The following HYDIN variants were observed in gnomAD, a reference collection of about 807,000 sequenced individuals.
The protein encoded by HYDIN is axonemal central pair apparatus protein HYDIN.
HYDIN carries 132 observed loss-of-function variants against 403.9 expected under a neutral mutation model. The ratio of observed to expected loss-of-function variants is 0.33; its 90% CI spans 0.28 to 0.38. The LOEUF is 0.38. Among genes scored for constraint, HYDIN ranks in the 10% least tolerant of loss-of-function variants. The pLI is 1.00. For synonymous variants in HYDIN, 1,202 were observed against 1,891.7 expected (o/e 0.64, Z 9.46); for missense variants, 2,827 against 5,009.5 (o/e 0.56, Z 13.15).
At chr16:70,810,030 C>T (rs1429062302) in intron 84 of HYDIN, 23 bp from the exon 85 acceptor site, 22 of 1,609,076 alleles carry the variant, frequency 1.4e-5, no homozygotes, top group Non-Finnish European at 1.8e-5. Context: ...ACAGAGGATC[C>T]TGTCATGCTG....
At chr16:71,221,308 G>T (rs1021720932) in intron 1 of HYDIN, among the ~76,000 whole-genome samples, 1 of 151,236 alleles carries the variant, frequency 6.6e-6, no homozygotes, top group Non-Finnish European at 1.5e-5. Flanking sequence ...CTCTCTTAGA[G>T]ATGTACAGCC....
intron 28 of HYDIN, among the ~76,000 whole-genome samples, chr16:70,983,029 G>C (rs56712111): frequency 0.014 from 1,422 of 99,694 alleles, 12 homozygotes; most frequent in Middle Eastern, 0.054. Context: ...GGAAAACATA[G>C]CAATTATGAT....
chr16:70,957,534 C>T (rs2078282827), intron 39 of HYDIN, among the ~76,000 whole-genome samples: 1 of 152,080 alleles, frequency 6.6e-6, no homozygotes, highest in South Asian at 2.1e-4. Flanking sequence ...ACCATGTTGG[C>T]CGGGCTGGTC....
intron 18 of HYDIN, among the ~76,000 whole-genome samples, chr16:71,045,458 G>A (rs1375077687): frequency 2.0e-5 from 3 of 152,256 alleles, no homozygotes; most frequent in African/African-American, 7.2e-5. Context: ...GAGGTTAATG[G>A]ACTTTGATTA....
chr16:71,044,827 A>G (rs1381254559), intron 18 of HYDIN, among the ~76,000 whole-genome samples: 1 of 142,930 alleles, frequency 7.0e-6, no homozygotes. Context: ...TTATTTTAAG[A>G]CTAACCATTG....
rs544967632 is a variant in HYDIN at position 70,963,975 on chromosome 16, T to C, written c.5788+753A>G. ...ATTACGTGTATGACTGTTACACAGATGAAAGCAAGTAAAAACAAGGTGGGT... is the reference window on the plus strand; with the variant it reads ...ATTACGTGTATGACTGTTACACAGACGAAAGCAAGTAAAAACAAGGTGGGT... On this transcript the variant is annotated intron_variant, in intron 37 of 85. Transcript: ENST00000393567. Among the ~76,000 whole-genome samples the C allele has an allele frequency of 4.6e-5, 6 of 129,078 alleles. 1 individual carries two copies. The South Asian group carries it at 1.1e-3, about 23-fold the overall frequency. The allele number at this position is 129,078 out of a possible 152,430, so 84.7% of individuals were successfully genotyped here.
chr16:70,989,098 C>G (rs2079264542), intron 25 of HYDIN, among the ~76,000 whole-genome samples: 2 of 151,894 alleles, frequency 1.3e-5, no homozygotes, highest in Admixed American at 1.3e-4. Flanking sequence ...ATGTCTGTCT[C>G]TGTCACCCAG....
rs376262243 is a variant in HYDIN, at chr16:70,951,248, C to CAGAGAGAG, written c.6531+1165_6531+1172dup. Among the ~76,000 whole-genome samples the CAGAGAGAG allele has an allele frequency of 7.3e-3, 946 of 130,378 alleles. 10 individuals carry two copies. The highest frequency in any genetic ancestry group is 0.016 in the African/African-American group (515 of 32,068). 85.5% of individuals were successfully genotyped at this position (130,378 alleles called of 152,430 possible). A position where few individuals can be genotyped will look rare whatever the true frequency, so the allele number is the denominator to read the frequency against. ...AGACCCTGACTCTAGGGAAAAGGGA[C>CAGAGAGAG]AGAGAGAGAGAGAGAGAGAGAGAGA... On this transcript the variant is annotated intron_variant, in intron 41 of 85. Transcript: ENST00000393567.
At chr16:70,860,415 A>G (rs1455452882) in intron 70 of HYDIN, among the ~76,000 whole-genome samples, 1 of 143,382 alleles carries the variant, frequency 7.0e-6, no homozygotes, top group Non-Finnish European at 1.5e-5. Flanking sequence ...CAATGCTGCC[A>G]AGGGCACAAC....
chr16:70,813,664 C>T (rs1309376705), intron 84 of HYDIN, among the ~76,000 whole-genome samples: 8 of 152,146 alleles, frequency 5.3e-5, no homozygotes, highest in Non-Finnish European at 7.3e-5. Flanking sequence ...TCTATAGATT[C>T]AATGTAATCC....
intron 57 of HYDIN, 61 bp from the exon 58 acceptor site, chr16:70,889,765 A>G (rs1470001125): frequency 3.1e-6 from 2 of 654,004 alleles, no homozygotes; most frequent in African/African-American, 3.8e-5. Flanking sequence ...ATTAGACACC[A>G]CCTGTCTGTT....
rs533200933 is a variant in HYDIN at position 70,962,096 on chromosome 16, C to T, written c.5831G>A (p.Ser1944Asn). ...TCGGCTCAGCGATGTCCTCTTTGTG[C>T]TATTGGAGGTTCCCTGATCTGATGA... The part of the protein sequence containing the change: ...ITSSDQGTSN[S>N]TKRTSLSRGI... The change falls in exon 38 of 86, where the codon AGC becomes AAC. Residue 1944 changes from serine to asparagine, a missense_variant. Coordinates refer to ENST00000393567, the MANE Select transcript of HYDIN (RefSeq NM_001270974.2). 46 of 987,550 alleles carry T rather than the reference C, an allele frequency of 4.7e-5. 2 individuals are homozygous for T. The African/African-American group carries it at 6.1e-4, about 13-fold the overall frequency. The allele number at this position is 987,550 out of a possible 1,614,324, so 61.2% of individuals were successfully genotyped here. A position where few individuals can be genotyped will look rare whatever the true frequency, so the allele number is the denominator to read the frequency against.
intron 62 of HYDIN, among the ~76,000 whole-genome samples, chr16:70,876,860 G>A (rs1461671929): frequency 6.6e-6 from 1 of 152,090 alleles, no homozygotes; most frequent in East Asian, 1.9e-4. Context: ...AAAAAGATGA[G>A]TAGAAATACC....
chr16:70,881,884 G>A (rs1291853908), intron 60 of HYDIN, among the ~76,000 whole-genome samples: 1 of 152,192 alleles, frequency 6.6e-6, no homozygotes, highest in Non-Finnish European at 1.5e-5. Context: ...TAAAACTAGA[G>A]TATTTGCCAC....
chr16:71,131,034 A>G (rs1403120844), intron 8 of HYDIN, among the ~76,000 whole-genome samples: 4 of 109,578 alleles, frequency 3.7e-5, no homozygotes, highest in Non-Finnish European at 7.3e-5. Context: ...CCATATTCCC[A>G]TCATTGTACT....
intron 1 of HYDIN, among the ~76,000 whole-genome samples, chr16:71,204,527 A>G (rs1460143794): frequency 6.6e-6 from 1 of 152,242 alleles, no homozygotes; most frequent in Non-Finnish European, 1.5e-5. Flanking sequence ...ACTAGCAGAT[A>G]CTTGTTAAAT....
At chr16:71,082,065 G>C (rs1433968304) in intron 12 of HYDIN, among the ~76,000 whole-genome samples, 2 of 150,332 alleles carry the variant, frequency 1.3e-5, no homozygotes, top group African/African-American at 5.0e-5. Context: ...TAAAATACTA[G>C]CTTATGCAGT....
chr16:70,856,688 C>T (rs909088146), intron 72 of HYDIN, among the ~76,000 whole-genome samples: 3 of 152,116 alleles, frequency 2.0e-5, no homozygotes, highest in Non-Finnish European at 4.4e-5. Context: ...TGTTGAATTC[C>T]TGGATTAAAC....
intron 23 of HYDIN, among the ~76,000 whole-genome samples, chr16:70,996,800 AC>A (rs2079547213): frequency 6.7e-6 from 1 of 149,798 alleles, no homozygotes; most frequent in African/African-American, 2.5e-5. Flanking sequence ...GCGGTCCCCA[AC>A]CTTTTTGGCA....
Sources: gnomAD v4.1 joint callset for allele counts (sites outside exome capture counted in the v4.1 genomes callset) on GRCh38, gnomAD v4.1.1 for gene constraint, MANE v1.5 for transcripts, NCBI Gene and HGNC (gene_info 2026-07-23, HGNC 2026-07-21) for gene names.